Variants in TOX2 observed in about 807,000 individuals in gnomAD.
TOX2 encodes TOX high mobility group box family member 2, also known as granulosa cell HMG box 1.
A neutral mutation model predicts 47.4 loss-of-function variants in TOX2; 15 were observed. The ratio of observed to expected loss-of-function variants is 0.32; its 90% CI spans 0.21 to 0.49. TOX2 has a LOEUF of 0.49. TOX2 is among the 20% of genes least tolerant of loss of function. The probability of loss-of-function intolerance (pLI) is 0.99; values close to 1 mark genes in which losing one functional copy is unlikely to be tolerated. For missense variants in TOX2, 622 were observed against 673.1 expected, an observed-to-expected ratio of 0.92 and a Z score of 0.84; for synonymous variants, 290 against 296.6, an observed-to-expected ratio of 0.98 and a Z score of 0.23.
chr20:44,022,939 T>TAGAA (rs2070998196), intron 3 of TOX2, among the ~76,000 whole-genome samples: 1 of 150,256 alleles, frequency 6.7e-6, no homozygotes, highest in Non-Finnish European at 1.5e-5. Flanking sequence ...AGTTGGAGTC[T>TAGAA]ACCAAGAAAC....
At chr20:43,945,230 G>T (rs950657940) in intron 1 of TOX2, among the ~76,000 whole-genome samples, 2 of 152,144 alleles carry the variant, frequency 1.3e-5, no homozygotes, top group Admixed American at 6.5e-5. Context: ...TAACAGCCTG[G>T]TATCTTTTAT....
chr20:44,006,612 C>A lies in TOX2; in HGVS notation c.231C>A (p.Leu77=). The A allele has an allele frequency of 3.1e-6, 5 of 1,614,170 alleles. No homozygotes were observed. Among genetic ancestry groups the A allele is most frequent in the Non-Finnish European group, 4.2e-6 (5 of 1,180,036 alleles). The part of the protein sequence containing the change: ...YEIPPITPPN[L]PEPSLLHLGD... Reference sequence around the variant, plus strand: ...TCCCCCCGATAACACCTCCCAACCTCCCGGAGCCATCCCTCCTGCACCTGG... The same window carrying A: ...TCCCCCCGATAACACCTCCCAACCTACCGGAGCCATCCCTCCTGCACCTGG... Residue 77 remains leucine (L), a synonymous_variant, in exon 3 of 9, where the codon CTC becomes CTA. Coordinates refer to ENST00000341197, the MANE Select transcript of TOX2 (RefSeq NM_001098797.2).
intron 1 of TOX2, among the ~76,000 whole-genome samples, chr20:43,930,236 A>C (rs567309336): frequency 1.3e-5 from 2 of 152,354 alleles, no homozygotes; most frequent in African/African-American, 2.4e-5. Flanking sequence ...AACATAGCCC[A>C]GGCTGTGTTT....
chr20:43,925,760 T>C (rs2069158663), intron 1 of TOX2, among the ~76,000 whole-genome samples: 1 of 152,234 alleles, frequency 6.6e-6, no homozygotes, highest in South Asian at 2.1e-4. Context: ...GATCCCAGCC[T>C]TTTCCTATTT....
chr20:44,007,094 A>T lies in TOX2; in HGVS notation c.411+302A>T, dbSNP rs1476669006. ...TTGTTAATAGTATAATCTCATTTTT[A>T]TTTTTTAACAGTTTTATTGAGGTAT... is the stretch of plus-strand genomic sequence containing the variant. On this transcript the variant is annotated intron_variant, in intron 3 of 8. Transcript: ENST00000341197. Among the ~76,000 whole-genome samples the T allele has an allele frequency of 3.3e-5, 5 of 152,152 alleles. No homozygotes were observed. In the East Asian group the frequency reaches 9.7e-4, roughly 29 times the overall value.
chr20:43,957,618 G>GAAA lies in TOX2; in HGVS notation c.100-15749_100-15748insAAA, dbSNP rs369133498. On this transcript the variant is annotated intron_variant, in intron 1 of 8. Coordinates refer to ENST00000341197, the MANE Select transcript of TOX2 (RefSeq NM_001098797.2). ...AAACAAATATTTATTTTCTCACAGG[G>GAAA]CTAGAGGTCAGAAGTATGAGATCAA... Among the ~76,000 whole-genome samples the GAAA allele has an allele frequency of 5.4e-4, 82 of 150,616 alleles. No homozygotes were observed. The East Asian group carries it at 0.015, about 28-fold the overall frequency.
At chr20:44,053,809 T>A (rs753811528) in intron 4 of TOX2, among the ~76,000 whole-genome samples, 1 of 151,970 alleles carries the variant, frequency 6.6e-6, no homozygotes, top group Non-Finnish European at 1.5e-5. Context: ...GATTAGGGGA[T>A]TTCACAACTC....
chr20:43,929,825 T>A (rs1403627734), intron 1 of TOX2, among the ~76,000 whole-genome samples: 1 of 152,198 alleles, frequency 6.6e-6, no homozygotes, highest in Non-Finnish European at 1.5e-5. Context: ...TTCTCCTACC[T>A]CAGCCTCCCG....
chr20:43,983,755 CAG>C (rs1292348858), intron 2 of TOX2, among the ~76,000 whole-genome samples: 1 of 152,182 alleles, frequency 6.6e-6, no homozygotes, highest in Non-Finnish European at 1.5e-5. Context: ...GGCTCAGGCT[CAG>C]GGGCTAAATG....
chr20:43,960,042 G>A lies in TOX2; in HGVS notation c.100-13325G>A, dbSNP rs567359757. On this transcript the variant is annotated intron_variant, in intron 1 of 8. Transcript: ENST00000341197. ...TTGGGCAAGCTACATAACCTCCCTCGACCTCAGTCTCCTTTTCTGTAAAAT... is the reference window on the plus strand; with the variant it reads ...TTGGGCAAGCTACATAACCTCCCTCAACCTCAGTCTCCTTTTCTGTAAAAT... Among the ~76,000 whole-genome samples the A allele has an allele frequency of 5.3e-5, 8 of 152,188 alleles. No homozygotes were observed. In the South Asian group the frequency reaches 1.5e-3, roughly 28 times the overall value.
chr20:44,041,401 G>A (rs2071329713), intron 3 of TOX2, among the ~76,000 whole-genome samples: 1 of 152,164 alleles, frequency 6.6e-6, no homozygotes, highest in African/African-American at 2.4e-5. Context: ...CAACTAGCAG[G>A]CCTCAAATGA....
In TOX2 at chr20:44,064,835, A is replaced by G; in HGVS notation, c.938A>G (p.Tyr313Cys). The G allele has an allele frequency of 6.2e-7, 1 of 1,614,140 alleles. No homozygotes were observed. The highest frequency in any genetic ancestry group is 8.5e-7 in the Non-Finnish European group (1 of 1,180,030). The change falls in exon 6 of 9, where the codon TAC (tyrosine) becomes TGC (cysteine). Residue 313 changes from tyrosine to cysteine, a missense_variant. Coordinates refer to ENST00000341197, the MANE Select transcript of TOX2 (RefSeq NM_001098797.2). ...GAATATCTGAAGGCCCTGGCAGCCT[A>G]CCGGGCTAGCCTCGTCTCCAAGGTA... ...KKEYLKALAAYRASLVSKSSP... is the reference protein window; with the variant it reads ...KKEYLKALAACRASLVSKSSP...
chr20:43,996,438 C>G (rs1307674964), intron 2 of TOX2, among the ~76,000 whole-genome samples: 2 of 152,182 alleles, frequency 1.3e-5, no homozygotes, highest in Non-Finnish European at 2.9e-5. Context: ...CTGGCCTAGC[C>G]AGGACTCGTG....
At chr20:44,032,732 G>C (rs1156536947) in intron 3 of TOX2, among the ~76,000 whole-genome samples, 2 of 152,192 alleles carry the variant, frequency 1.3e-5, no homozygotes, top group African/African-American at 4.8e-5. Context: ...ATCCCAACCT[G>C]AACAGAAACC....
intron 1 of TOX2, among the ~76,000 whole-genome samples, chr20:43,927,634 T>TCCTTCCTA (rs1569003524): frequency 7.7e-5 from 10 of 129,914 alleles, no homozygotes; most frequent in Non-Finnish European, 1.3e-4. Flanking sequence ...CCTCCTTCCT[T>TCCTTCCTA]CCTTCCTCCC....
Position 44,065,237 on chromosome 20 carries a change from G to A in TOX2, c.960+380G>A, listed in dbSNP as rs373990787. Among the ~76,000 whole-genome samples the A allele has an allele frequency of 1.1e-3, 171 of 152,244 alleles. 2 individuals carry two copies. In the South Asian group the frequency reaches 0.024, roughly 21 times the overall value. ...TATGGCACCTCCTCACCACACCGTC[G>A]GCCTCCTCTGTCAACACCAGCAACG... is the stretch of plus-strand genomic sequence containing the variant. On this transcript the variant is annotated intron_variant, in intron 6 of 8. Transcript: ENST00000341197.
intron 5 of TOX2, among the ~76,000 whole-genome samples, chr20:44,063,578 G>A (rs1325697564): frequency 2.6e-5 from 4 of 152,130 alleles, no homozygotes; most frequent in African/African-American, 9.7e-5. Context: ...TAGATCTACT[G>A]TTTGACCCAG....
chr20:43,931,309 T>G (rs565491137), intron 1 of TOX2, among the ~76,000 whole-genome samples: 2 of 152,186 alleles, frequency 1.3e-5, no homozygotes, highest in South Asian at 2.1e-4. Flanking sequence ...TGATAATTTT[T>G]AAATTTTTTG....
At chr20:44,061,169 G>T (rs1331527395) in intron 5 of TOX2, among the ~76,000 whole-genome samples, 14 of 151,878 alleles carry the variant, frequency 9.2e-5, no homozygotes, top group Non-Finnish European at 2.1e-4. Flanking sequence ...ATAAATTCCT[G>T]GAAATATACA....
Sources: allele counts gnomAD v4.1 joint callset (sites outside exome capture counted in the v4.1 genomes callset), GRCh38; gene constraint gnomAD v4.1.1; transcripts MANE v1.5; gene names NCBI Gene and HGNC (gene_info 2026-07-23, HGNC 2026-07-21).